Variants in ADRA1B observed in about 807,000 individuals in gnomAD.
ADRA1B encodes adrenoceptor alpha 1B, also known as alpha-1B adrenergic receptor.
In ADRA1B, 17 loss-of-function variants were observed where a neutral mutation model predicts 17.9. That is an observed-to-expected ratio of 0.95 (90% CI 0.65 to 1.42). ADRA1B has a LOEUF of 1.42. ADRA1B is among the 40% of genes most tolerant of loss of function. ADRA1B has a pLI of 0.00. For synonymous variants in ADRA1B, 366 were observed against 327.6 expected, an observed-to-expected ratio of 1.12 and a Z score of -1.27; for missense variants, 681 against 722.1, an observed-to-expected ratio of 0.94 and a Z score of 0.65.
At chr5:159,981,836 A>G in the ADRA1B span, among the ~76,000 whole-genome samples, 3 of 152,166 alleles carry the variant, frequency 2.0e-5, no homozygotes, top group Non-Finnish European at 4.4e-5. Flanking sequence ...GGGGCTGGGC[A>G]CGGTGACTCA....
intron 1 of ADRA1B, among the ~76,000 whole-genome samples, chr5:159,963,914 A>G (rs1755724880): frequency 6.6e-6 from 1 of 152,172 alleles, no homozygotes; most frequent in Non-Finnish European, 1.5e-5. Flanking sequence ...GGGCACTCAA[A>G]GACTAAGTGA....
upstream of ADRA1B, among the ~76,000 whole-genome samples, chr5:159,912,795 T>G (rs1485562821): frequency 6.6e-6 from 1 of 152,202 alleles, no homozygotes; most frequent in Non-Finnish European, 1.5e-5. Context: ...TAAATGCACA[T>G]AGATTGCCTA....
chr5:159,932,950 C>T (rs1754855773), intron 1 of ADRA1B, among the ~76,000 whole-genome samples: 1 of 152,136 alleles, frequency 6.6e-6, no homozygotes, highest in South Asian at 2.1e-4. Context: ...TATTTTTATA[C>T]ATCACCAATT....
Position 159,972,534 on chromosome 5 carries a change from C to G in ADRA1B, c.*42C>G. 2 of 45,740 alleles carry G rather than the reference C, an allele frequency of 4.4e-5. No individual in the cohort carries two copies. Among genetic ancestry groups the G allele is most frequent in the South Asian group, 1.1e-3 (1 of 928 alleles). 2.8% of individuals were successfully genotyped at this position (45,740 alleles called of 1,614,324 possible). On this transcript the variant is annotated 3_prime_UTR_variant, in exon 2 of 2. Transcript: ENST00000306675. ...TTTCTTTCCCTGGGGAGGAAAACAT[C>G]GTGGGGGGGAGGGGAGGGCGGGGCG...
chr5:159,985,769 C>A, the ADRA1B span, among the ~76,000 whole-genome samples: 6 of 152,236 alleles, frequency 3.9e-5, no homozygotes, highest in Admixed American at 3.3e-4. Flanking sequence ...AGAGGCCAAG[C>A]AGTGCTGCCT....
At chr5:159,870,015 G>A (rs1753714866) in intron 1 of ADRA1B, 1 of 152,186 alleles carries the variant, frequency 6.6e-6, no homozygotes, top group Admixed American at 6.5e-5. Context: ...CGTTTCTTGA[G>A]TTTAAAGTCA....
In ADRA1B at chr5:159,917,453, G is replaced by C; in HGVS notation, c.548G>C (p.Gly183Ala). Residue 183 changes from glycine to alanine, a missense_variant, in exon 1 of 2, where the codon GGG (glycine) becomes GCG (alanine). By Grantham distance (60) the Gly-to-Ala change is moderately conservative. Around this residue, in one of 3 missense-constraint regions of ADRA1B, gnomAD observed 424 missense variants for 480.2 expected, o/e 0.88. Transcript: ENST00000306675. ...GTCATCTCCATCGGGCCTCTCCTTG[G>C]GTGGAAGGAGCCGGCACCCAACGAT... ...STVISIGPLL[G>A]WKEPAPNDDK... 6.2e-7 allele frequency: 1 copy of C among 1,614,140 alleles called. No individual in the cohort carries two copies.
intron 1 of ADRA1B, chr5:159,955,173 G>T (rs1755529337): frequency 1.0e-6 from 1 of 985,248 alleles, no homozygotes. Context: ...CCCTGGAGAT[G>T]GTGTACCAGC....
At chr5:159,875,269 C>T (rs72808152) in intron 1 of ADRA1B, among the ~76,000 whole-genome samples, 3,517 of 152,202 alleles carry the variant, frequency 0.023, 132 homozygotes, top group East Asian at 0.16. Flanking sequence ...GATGTCCTAC[C>T]TTAATGTCAG....
chr5:159,977,937 C>T (rs1302660520), downstream of ADRA1B, among the ~76,000 whole-genome samples: 1 of 151,972 alleles, frequency 6.6e-6, no homozygotes. Context: ...ACCTCCTTCT[C>T]CTCTTTGCTC....
intron 1 of ADRA1B, among the ~76,000 whole-genome samples, chr5:159,931,557 G>A (rs183433021): frequency 0.012 from 1,758 of 152,156 alleles, 12 homozygotes; most frequent in Non-Finnish European, 0.018. Flanking sequence ...TAATTTATAC[G>A]TAACAGCAAA....
At chr5:159,933,193 T>C (rs1382990482) in intron 1 of ADRA1B, among the ~76,000 whole-genome samples, 1 of 152,244 alleles carries the variant, frequency 6.6e-6, no homozygotes, top group Non-Finnish European at 1.5e-5. Flanking sequence ...TCTTTTCATA[T>C]GTTTAAAATA....
intron 1 of ADRA1B, among the ~76,000 whole-genome samples, chr5:159,918,352 G>A (rs1412041801): frequency 1.3e-5 from 2 of 152,198 alleles, no homozygotes; most frequent in Non-Finnish European, 2.9e-5. Flanking sequence ...CTTCTCAAGA[G>A]CTTTGCAGAG....
intron 1 of ADRA1B, among the ~76,000 whole-genome samples, chr5:159,941,865 C>T (rs1179761816): frequency 2.0e-5 from 3 of 151,036 alleles, no homozygotes; most frequent in South Asian, 4.2e-4. Flanking sequence ...GATGAGTGTT[C>T]GCAGAGACTG....
chr5:159,917,883 T>G, intron 1 of ADRA1B, 29 bp downstream of exon 1: 2 of 1,551,518 alleles, frequency 1.3e-6, no homozygotes, highest in Non-Finnish European at 1.7e-6. Flanking sequence ...GCAGGGGGAC[T>G]GGGCATTTTT....
intron 1 of ADRA1B, among the ~76,000 whole-genome samples, chr5:159,882,090 A>C (rs553363160): frequency 1.3e-5 from 2 of 152,324 alleles, no homozygotes; most frequent in East Asian, 3.9e-4. Context: ...CCCTGTGTGC[A>C]TAAAGTTTGT....
Position 159,972,526 on chromosome 5 carries a change from GA to G in ADRA1B, c.*38del. ...TGCGCAGCTTTCTTTCCCTGGGGAG[GA>G]AAACATCGTGGGGGGGAGGGGAGGG... On this transcript the variant is annotated 3_prime_UTR_variant, in exon 2 of 2. Transcript: ENST00000306675. 2 of 345,290 alleles carry G rather than the reference GA, an allele frequency of 5.8e-6. No homozygotes were observed. Among genetic ancestry groups the G allele is most frequent in the Non-Finnish European group, 7.2e-6 (2 of 278,258 alleles). 21.4% of individuals were successfully genotyped at this position (345,290 alleles called of 1,614,324 possible). A position where few individuals can be genotyped will look rare whatever the true frequency, so the allele number is the denominator to read the frequency against.
At chr5:159,905,217 A>C (rs532993091) in intron 1 of ADRA1B, among the ~76,000 whole-genome samples, 1 of 152,214 alleles carries the variant, frequency 6.6e-6, no homozygotes, top group Non-Finnish European at 1.5e-5. Flanking sequence ...AGAGGGTTGC[A>C]GAGAGGAGAA....
intron 1 of ADRA1B, among the ~76,000 whole-genome samples, chr5:159,900,204 G>T (rs566070205): frequency 6.6e-6 from 1 of 152,026 alleles, no homozygotes; most frequent in South Asian, 2.1e-4. Context: ...GAAAGTTTTT[G>T]GTTATTCTTA....
Sources: allele counts gnomAD v4.1 joint callset (sites outside exome capture counted in the v4.1 genomes callset), GRCh38; gene constraint gnomAD v4.1.1; regional missense constraint gnomAD v4.1.1; transcripts MANE v1.5; gene names NCBI Gene and HGNC (gene_info 2026-07-23, HGNC 2026-07-21).